The following PIAS4 variants were observed in gnomAD, a reference collection of about 807,000 sequenced individuals.
PIAS4 encodes protein inhibitor of activated STAT 4, also known as E3 SUMO-protein ligase PIAS4.
In PIAS4, 7 loss-of-function variants were observed where a neutral mutation model predicts 58.0. That is an observed-to-expected ratio of 0.12 (90% confidence interval 0.07 to 0.23). The LOEUF is 0.23. Among genes scored for constraint, PIAS4 ranks in the 10% least tolerant of loss-of-function variants. PIAS4 has a pLI of 1.00. For missense variants in PIAS4, 550 were observed against 709.5 expected (o/e 0.78, Z 2.55); for synonymous variants, 364 against 312.4 (o/e 1.17, Z -1.74).
chr19:4,032,076 C>T (rs918507566), intron 7 of PIAS4, among the ~76,000 whole-genome samples: 4 of 152,252 alleles, frequency 2.6e-5, no homozygotes, highest in Non-Finnish European at 2.9e-5. Context: ...CTCCACACCC[C>T]GGCTGGGGGT....
At position 4,037,369 on chromosome 19, in the gene PIAS4, C is replaced by G; in HGVS notation, c.1143-5C>G. The G allele has an allele frequency of 1.2e-6, 2 of 1,601,598 alleles. No homozygotes were observed. Among genetic ancestry groups the G allele is most frequent in the South Asian group, 1.1e-5 (1 of 90,732 alleles). ...CCCCGGCGTCAGCTGTCCGCCTCGCCCCAGGCTCCTCTCGAAGATCCTGAG... is the reference window on the plus strand; with the variant it reads ...CCCCGGCGTCAGCTGTCCGCCTCGCGCCAGGCTCCTCTCGAAGATCCTGAG... On this transcript the variant is annotated splice_polypyrimidine_tract_variant and splice_region_variant and intron_variant, in intron 9 of 10. Coordinates refer to ENST00000262971, the MANE Select transcript of PIAS4 (RefSeq NM_015897.4). This position sits in a 1 kb window ranked among gnomAD's most constrained non-coding sequence, Gnocchi z 5.8.
Position 4,013,273 on chromosome 19 carries a change from C to A in PIAS4, c.378C>A (p.Thr126=). The A allele has an allele frequency of 1.2e-6, 2 of 1,613,344 alleles. No individual in the cohort carries two copies. The highest frequency in any genetic ancestry group is 1.7e-6 in the Non-Finnish European group (2 of 1,180,012). ...LNGLGRLPAK[T]LKPEVRLVKL... is the part of the protein sequence containing the mutation. Reference sequence around the variant, plus strand: ...GACTGGGACGGTTGCCCGCCAAGACCCTCAAGCCAGAAGTCCGCCTGGTGA... The same window carrying A: ...GACTGGGACGGTTGCCCGCCAAGACACTCAAGCCAGAAGTCCGCCTGGTGA... The change falls in exon 2 of 11, where the codon ACC becomes ACA. Residue 126 remains threonine (T), a synonymous_variant. Coordinates refer to ENST00000262971, the MANE Select transcript of PIAS4 (RefSeq NM_015897.4). The surrounding 1 kb of genome is among the most constrained non-coding windows in gnomAD (Gnocchi z 5.1).
chr19:4,012,870 C>A, intron 1 of PIAS4, 53 bp from the exon 2 acceptor site: 1 of 1,543,746 alleles, frequency 6.5e-7, no homozygotes, highest in Non-Finnish European at 8.8e-7. Flanking sequence ...TCCATGGAGT[C>A]CCCTGCCTCG....
In PIAS4 at chr19:4,024,017, A is replaced by C; in HGVS notation, c.455-19A>C. On this transcript the variant is annotated intron_variant, in intron 2 of 10. Coordinates refer to ENST00000262971, the MANE Select transcript of PIAS4 (RefSeq NM_015897.4). ...CTGCCAGGGACCAGACATGCCCCTG[A>C]CCCCGTGTTTGTCTTCAGTCCCACA... 1 of 1,576,626 alleles carries C rather than the reference A, an allele frequency of 6.3e-7. No homozygotes were observed. The highest frequency in any genetic ancestry group is 8.7e-7 in the Non-Finnish European group (1 of 1,145,430).
At chr19:4,012,438 A>G (rs1222968388) in intron 1 of PIAS4, among the ~76,000 whole-genome samples, 2 of 152,094 alleles carry the variant, frequency 1.3e-5, no homozygotes, top group Admixed American at 6.5e-5. Flanking sequence ...AACTGTGGCT[A>G]CCGTTGGCGA....
In PIAS4 at chr19:4,013,014, C is replaced by T; in HGVS notation, c.119C>T (p.Thr40Ile). The T allele has an allele frequency of 6.2e-7, 1 of 1,613,650 alleles. No homozygotes were observed. Among genetic ancestry groups the T allele is most frequent in the Non-Finnish European group, 8.5e-7 (1 of 1,179,972 alleles). Residue 40 changes from threonine to isoleucine, a missense_variant, in exon 2 of 11, where the codon ACC becomes ATC. Thr to Ile is a moderately conservative substitution (Grantham distance 89). This residue lies in a region of PIAS4 where 42 missense variants were observed against 84.3 expected (regional missense o/e 0.50). Coordinates refer to ENST00000262971, the MANE Select transcript of PIAS4 (RefSeq NM_015897.4). The surrounding 1 kb of genome is among the most constrained non-coding windows in gnomAD (Gnocchi z 5.1). ...AGTGGACTGAAGCACGAGCTCGTCA[C>T]CAGGGCCCTCCAGCTGGTGCAGTTT... ...SKSGLKHELV[T>I]RALQLVQFDC... is the part of the protein sequence containing the mutation.
intron 3 of PIAS4, among the ~76,000 whole-genome samples, chr19:4,027,798 C>G (rs541410546): frequency 5.1e-4 from 77 of 152,232 alleles, no homozygotes; most frequent in Admixed American, 3.9e-4. Context: ...GCTCCGCCAG[C>G]CTTGACCTCC....
At chr19:4,009,268 C>T (rs1470143855) in intron 1 of PIAS4, among the ~76,000 whole-genome samples, 1 of 152,128 alleles carries the variant, frequency 6.6e-6, no homozygotes, top group Non-Finnish European at 1.5e-5. Flanking sequence ...ATAGCATATA[C>T]CTCTCTTCGC....
intron 2 of PIAS4, among the ~76,000 whole-genome samples, chr19:4,021,968 CAA>C (rs1568215497): frequency 6.6e-6 from 1 of 151,668 alleles, no homozygotes; most frequent in Non-Finnish European, 1.5e-5. Flanking sequence ...AGGCTGGCCT[CAA>C]ACTCCTGGGC....
At chr19:4,034,074 A>G (rs921491168) in intron 9 of PIAS4, among the ~76,000 whole-genome samples, 6 of 152,210 alleles carry the variant, frequency 3.9e-5, no homozygotes, top group African/African-American at 2.4e-5. Context: ...GGACAGGAGG[A>G]CAAGACCTTT....
At chr19:4,027,516 T>A (rs1206918254) in intron 3 of PIAS4, among the ~76,000 whole-genome samples, 3 of 152,006 alleles carry the variant, frequency 2.0e-5, no homozygotes, top group Non-Finnish European at 4.4e-5. Flanking sequence ...TTTTTCCTCT[T>A]CTTCTGGGGG....
chr19:4,030,199 GCAGTGCACCTGCCTCAAT>G (rs2040210313), intron 7 of PIAS4, among the ~76,000 whole-genome samples: 1 of 151,772 alleles, frequency 6.6e-6, no homozygotes, highest in Non-Finnish European at 1.5e-5. Context: ...CTGAGCTCAA[GCAGTGCACCTGCCTCAAT>G]CTCCCAAAGT....
chr19:4,013,276 C>A lies in PIAS4; in HGVS notation c.381C>A (p.Leu127=). Residue 127 remains leucine, a synonymous_variant, in exon 2 of 11, where the codon CTC becomes CTA. Coordinates refer to ENST00000262971, the MANE Select transcript of PIAS4 (RefSeq NM_015897.4). The surrounding 1 kb of genome is among the most constrained non-coding windows in gnomAD (Gnocchi z 5.1). ...TGGGACGGTTGCCCGCCAAGACCCT[C>A]AAGCCAGAAGTCCGCCTGGTGAAGC... ...NGLGRLPAKT[L]KPEVRLVKLP... 6.2e-7 allele frequency: 1 copy of A among 1,613,294 alleles called. No individual in the cohort carries two copies. The highest frequency in any genetic ancestry group is 8.5e-7 in the Non-Finnish European group (1 of 1,180,004).
chr19:4,008,150 G>GC (rs2039961056), intron 1 of PIAS4, among the ~76,000 whole-genome samples: 2 of 152,110 alleles, frequency 1.3e-5, no homozygotes, highest in African/African-American at 4.8e-5. Context: ...GCTACTCGTT[G>GC]CCCTCTTGGT....
rs553530205 is a variant in PIAS4, at chr19:4,018,090, G to A, written c.454+4741G>A. Among the ~76,000 whole-genome samples the A allele has an allele frequency of 3.9e-5, 6 of 152,336 alleles. No individual in the cohort carries two copies. In the East Asian group the frequency reaches 1.2e-3, roughly 29 times the overall value. On this transcript the variant is annotated intron_variant, in intron 2 of 10. Transcript: ENST00000262971. ...GCCTCCCAAAGTGCTGGGATTATAG[G>A]CGTGAGCCACCAGGCCCGGCCCCAG...
chr19:4,008,550 G>C (rs1487895505), intron 1 of PIAS4, among the ~76,000 whole-genome samples: 1 of 152,080 alleles, frequency 6.6e-6, no homozygotes, highest in Non-Finnish European at 1.5e-5. Flanking sequence ...ATGGAGTTCG[G>C]ACCACTCTTC....
intron 7 of PIAS4, among the ~76,000 whole-genome samples, chr19:4,030,125 A>G (rs747920742): frequency 3.5e-5 from 5 of 143,900 alleles, no homozygotes; most frequent in East Asian, 2.1e-4. Flanking sequence ...CCCGGCCCCA[A>G]CTAATTTTTT....
chr19:4,021,736 C>CT (rs2040111765), intron 2 of PIAS4, among the ~76,000 whole-genome samples: 1 of 124,774 alleles, frequency 8.0e-6, no homozygotes, highest in Non-Finnish European at 1.7e-5. Context: ...CCTGCATTTT[C>CT]TTTTTCTTTT....
At position 4,037,518 on chromosome 19, in the gene PIAS4, C is replaced by T; in HGVS notation, c.1273+14C>T. 4.3e-6 allele frequency: 7 copies of T among 1,609,292 alleles called. No homozygotes were observed. Among genetic ancestry groups the T allele is most frequent in the Non-Finnish European group, 5.1e-6 (6 of 1,179,506 alleles). On this transcript the variant is annotated intron_variant, in intron 10 of 10. Coordinates refer to ENST00000262971, the MANE Select transcript of PIAS4 (RefSeq NM_015897.4). The surrounding 1 kb of genome is among the most constrained non-coding windows in gnomAD (Gnocchi z 5.8). ...TCCTCGTGCTGGGTGAGTGCCTCACCCCACCAGCCGCGCAGTCCGCAGCCA... is the reference window on the plus strand; with the variant it reads ...TCCTCGTGCTGGGTGAGTGCCTCACTCCACCAGCCGCGCAGTCCGCAGCCA...
Sources: gnomAD v4.1 joint callset for allele counts (sites outside exome capture counted in the v4.1 genomes callset) on GRCh38, gnomAD v4.1.1 for gene constraint, gnomAD v4.1.1 regional missense constraint, Gnocchi (gnomAD v3.1) non-coding constraint, MANE v1.5 for transcripts, NCBI Gene and HGNC (gene_info 2026-07-23, HGNC 2026-07-21) for gene names.